TBCD: variants seen among roughly 807,000 people sequenced by gnomAD.
TBCD encodes the protein tubulin-specific chaperone D.
TBCD carries 105 observed loss-of-function variants against 169.3 expected under a neutral mutation model. The ratio of observed to expected loss-of-function variants is 0.62; its 90% CI spans 0.53 to 0.73. The LOEUF is 0.73. TBCD is among the 30% of genes least tolerant of loss of function. TBCD has a pLI of 0.00. For missense variants in TBCD, 1,444 were observed against 1,600.1 expected (o/e 0.90, Z 1.66); for synonymous variants, 700 against 643.9 (o/e 1.09, Z -1.32).
Position 82,903,510 on chromosome 17 carries a change from C to A in TBCD, c.1804+32C>A. The A allele has an allele frequency of 6.4e-7, 1 of 1,566,520 alleles. No individual in the cohort carries two copies. The highest frequency in any genetic ancestry group is 8.7e-7 in the Non-Finnish European group (1 of 1,154,590). ...GTGTGTCCCGGCCGGCCTGCGGGCACCATGCATGCACTGCAGAAAGGCCTG... is the reference window on the plus strand; with the variant it reads ...GTGTGTCCCGGCCGGCCTGCGGGCAACATGCATGCACTGCAGAAAGGCCTG... On this transcript the variant is annotated intron_variant, in intron 19 of 38. Coordinates refer to ENST00000355528, the MANE Select transcript of TBCD (RefSeq NM_005993.5). This position sits in a 1 kb window ranked among gnomAD's most constrained non-coding sequence, Gnocchi z 4.8.
At chr17:82,822,182 C>T (rs8079088) in intron 13 of TBCD, among the ~76,000 whole-genome samples, 16,442 of 152,238 alleles carry the variant, frequency 0.11, 1,196 homozygotes, top group South Asian at 0.29. Context: ...ATGACAAGTG[C>T]GATTGGCGCC....
intron 6 of TBCD, among the ~76,000 whole-genome samples, chr17:82,779,770 G>A (rs1216441058): frequency 2.0e-5 from 3 of 152,176 alleles, no homozygotes; most frequent in Admixed American, 6.5e-5. Flanking sequence ...TGGAGATGAC[G>A]TGGGGGCCGG....
intron 13 of TBCD, among the ~76,000 whole-genome samples, chr17:82,818,114 T>C (rs992257305): frequency 3.4e-4 from 52 of 152,338 alleles, no homozygotes; most frequent in African/African-American, 1.3e-3. Context: ...GGCGAGAGGA[T>C]ATGGGTGTTG....
At chr17:82,796,619 G>C (rs952850372) in intron 7 of TBCD, among the ~76,000 whole-genome samples, 1 of 152,170 alleles carries the variant, frequency 6.6e-6, no homozygotes, top group Non-Finnish European at 1.5e-5. Context: ...CTGGTGGTCT[G>C]TCTGGCTGTC....
intron 13 of TBCD, among the ~76,000 whole-genome samples, chr17:82,829,249 A>G: frequency 6.6e-6 from 1 of 151,322 alleles, no homozygotes; most frequent in Non-Finnish European, 1.5e-5. Flanking sequence ...GCAGACATGC[A>G]CAAGCAGACA....
chr17:82,941,586 G>A lies in TBCD; in HGVS notation c.3564+103G>A, dbSNP rs140250955. The A allele has an allele frequency of 4.9e-4, 511 of 1,035,462 alleles. 6 individuals carry two copies. The highest frequency in any genetic ancestry group is 4.6e-3 in the South Asian group (309 of 66,566). The allele number at this position is 1,035,462 out of a possible 1,614,324, so 64.1% of individuals were successfully genotyped here. A position where few individuals can be genotyped will look rare whatever the true frequency, so the allele number is the denominator to read the frequency against. On this transcript the variant is annotated intron_variant, in intron 38 of 38. Transcript: ENST00000355528. Reference sequence around the variant, plus strand: ...TTAGCTTCTGCCAGCACGTCCACACGGCCCGTTCCCTCGTCTCATGTCAGG... The same window carrying A: ...TTAGCTTCTGCCAGCACGTCCACACAGCCCGTTCCCTCGTCTCATGTCAGG...
chr17:82,916,746 G>T (rs983201459), intron 23 of TBCD, among the ~76,000 whole-genome samples: 5 of 152,038 alleles, frequency 3.3e-5, no homozygotes, highest in African/African-American at 1.2e-4. Context: ...CTTTTACCGT[G>T]ATATTCCTAG....
chr17:82,861,272 C>G (rs1434812980), intron 13 of TBCD, among the ~76,000 whole-genome samples: 6 of 152,162 alleles, frequency 3.9e-5, no homozygotes, highest in African/African-American at 1.4e-4. Context: ...GGCACACATT[C>G]ATGCCGCAGG....
At chr17:82,828,571 T>C (rs2053159030) in intron 13 of TBCD, among the ~76,000 whole-genome samples, 1 of 133,820 alleles carries the variant, frequency 7.5e-6, no homozygotes, top group Non-Finnish European at 1.6e-5. Flanking sequence ...ATTGCACACG[T>C]GCACACCCAC....
In TBCD at chr17:82,943,481, CA is replaced by C. The variant is rs1163712409; in HGVS notation, c.*1019del. The C allele has an allele frequency of 1.3e-5, 2 of 152,028 alleles. No homozygotes were observed. Among genetic ancestry groups the C allele is most frequent in the Non-Finnish European group, 1.5e-5 (1 of 68,074 alleles). 9.4% of individuals were successfully genotyped at this position (152,028 alleles called of 1,614,324 possible). A position where few individuals can be genotyped will look rare whatever the true frequency, so the allele number is the denominator to read the frequency against. On this transcript the variant is annotated 3_prime_UTR_variant, in exon 39 of 39. Transcript: ENST00000355528. ...CAACCCTTTCCCTATGTGAGGAGCC[CA>C]GGGGTGCCATGTGCGTGGTGTAGAT...
chr17:82,941,944 G>GGGGCCCA (rs559661415), intron 38 of TBCD: 132 of 217,896 alleles, frequency 6.1e-4, no homozygotes, highest in African/African-American at 3.0e-3. Flanking sequence ...CTCGGGGGCT[G>GGGGCCCA]GGGCCCAGGG....
At chr17:82,815,264 A>G (rs1014581546) in intron 13 of TBCD, among the ~76,000 whole-genome samples, 5 of 152,208 alleles carry the variant, frequency 3.3e-5, no homozygotes, top group Non-Finnish European at 7.4e-5. Context: ...GAGGGCCACG[A>G]ATCCTTGTAA....
rs1253330383 is a variant in TBCD at position 82,929,145 on chromosome 17, A to G, written c.2726A>G (p.Gln909Arg). The part of the protein sequence containing the change: ...CERIMCCVAQ[Q>R]ASEKIDRFRA... ...CGCATCATGTGCTGTGTGGCCCAGC[A>G]GGCCAGTGAGAAGATTGACCGTTTC... The change falls in exon 31 of 39, where the codon CAG becomes CGG. Residue 909 changes from glutamine to arginine, a missense_variant. Gln to Arg is a conservative substitution (Grantham distance 43). Coordinates refer to ENST00000355528, the MANE Select transcript of TBCD (RefSeq NM_005993.5). 1.9e-6 allele frequency: 3 copies of G among 1,612,738 alleles called. No homozygotes were observed. The East Asian group carries it at 6.7e-5, about 36-fold the overall frequency.
At chr17:82,797,276 G>A (rs1231475765) in intron 7 of TBCD, among the ~76,000 whole-genome samples, 1 of 152,224 alleles carries the variant, frequency 6.6e-6, no homozygotes, top group Non-Finnish European at 1.5e-5. Context: ...AGGTGTGTGT[G>A]TGAGACACGG....
At position 82,927,264 on chromosome 17, in the gene TBCD, T is replaced by C; in HGVS notation, c.2550T>C (p.Cys850=). The C allele has an allele frequency of 6.2e-7, 1 of 1,614,026 alleles. No individual in the cohort carries two copies. The highest frequency in any genetic ancestry group is 8.5e-7 in the Non-Finnish European group (1 of 1,179,896). The change falls in exon 29 of 39, where the codon TGT becomes TGC. Residue 850 remains cysteine (C), a synonymous_variant. Coordinates refer to ENST00000355528, the MANE Select transcript of TBCD (RefSeq NM_005993.5). The part of the protein sequence containing the change: ...VCGENVSQIY[C]ALLGCMDDYT... ...GAGAGAATGTTTCCCAGATTTACTG[T>C]GCGCTGCTGGGCTGCATGGACGACT...
At chr17:82,917,308 T>G (rs1273260299) in intron 23 of TBCD, among the ~76,000 whole-genome samples, 1 of 152,182 alleles carries the variant, frequency 6.6e-6, no homozygotes, top group Non-Finnish European at 1.5e-5. Flanking sequence ...ACATTTTCTT[T>G]GATTTAAATT....
At chr17:82,925,320 G>T (rs2061653469) in intron 27 of TBCD, among the ~76,000 whole-genome samples, 1 of 152,226 alleles carries the variant, frequency 6.6e-6, no homozygotes, top group South Asian at 2.1e-4. Flanking sequence ...AGAAGGTGTT[G>T]TTTGTAGAAG....
chr17:82,859,983 C>T, intron 13 of TBCD: 3 of 765,754 alleles, frequency 3.9e-6, no homozygotes, highest in Non-Finnish European at 4.8e-6. Context: ...TTCATGTGTC[C>T]TTGGGTGTCA....
At chr17:82,766,536 TGTA>T (rs2048026596) in intron 4 of TBCD, among the ~76,000 whole-genome samples, 168 bp downstream of exon 4, 1 of 152,200 alleles carries the variant, frequency 6.6e-6, no homozygotes, top group African/African-American at 2.4e-5. Context: ...CTTTACTTCT[TGTA>T]CAAGTTGCTT....
Sources: gnomAD v4.1 joint callset for allele counts (sites outside exome capture counted in the v4.1 genomes callset) on GRCh38, gnomAD v4.1.1 for gene constraint, Gnocchi (gnomAD v3.1) non-coding constraint, MANE v1.5 for transcripts, NCBI Gene and HGNC (gene_info 2026-07-23, HGNC 2026-07-21) for gene names.